The following PARD3B variants were observed in gnomAD, a reference collection of about 807,000 sequenced individuals.
PARD3B encodes par-3 family cell polarity regulator beta.
In PARD3B, 103 loss-of-function variants were observed where a neutral mutation model predicts 130.2. The ratio of observed to expected loss-of-function variants is 0.79; its 90% CI spans 0.67 to 0.93. The LOEUF (loss-of-function observed/expected upper bound fraction) is 0.93, where lower values mean the gene tolerates loss of function less well. Ranked by LOEUF, PARD3B falls within the 40% of genes least tolerant of loss-of-function variation. The pLI is 0.00. For missense variants in PARD3B, 1,609 were observed against 1,499.2 expected, an observed-to-expected ratio of 1.07 and a Z score of -1.21; for synonymous variants, 583 against 553.2, an observed-to-expected ratio of 1.05 and a Z score of -0.76.
chr2:205,054,436 A>ATATATATATAT (rs1411271901), intron 4 of PARD3B, among the ~76,000 whole-genome samples: 2 of 28,440 alleles, frequency 7.0e-5, no homozygotes, highest in African/African-American at 3.0e-4. Flanking sequence ...ATATATATAT[A>ATATATATATAT]TTTTTTTTTT....
chr2:204,667,557 C>G (rs1438563233), intron 1 of PARD3B, among the ~76,000 whole-genome samples: 2 of 152,096 alleles, frequency 1.3e-5, no homozygotes, highest in African/African-American at 2.4e-5. Flanking sequence ...AAATACTGAA[C>G]TTGACTCACA....
chr2:205,523,784 G>GTTCT (rs1321517102), intron 21 of PARD3B, among the ~76,000 whole-genome samples: 1 of 133,810 alleles, frequency 7.5e-6, no homozygotes, highest in Non-Finnish European at 1.6e-5. Context: ...CCATTGCTCA[G>GTTCT]TTCTTTATTT....
intron 2 of PARD3B, among the ~76,000 whole-genome samples, chr2:204,826,883 G>C (rs759125035): frequency 6.6e-6 from 1 of 152,078 alleles, no homozygotes; most frequent in Non-Finnish European, 1.5e-5. Context: ...AGCCAGTCAT[G>C]GTGGTATGTG....
chr2:204,641,385 C>G (rs2035071338), intron 1 of PARD3B, among the ~76,000 whole-genome samples: 1 of 151,576 alleles, frequency 6.6e-6, no homozygotes. Context: ...GGGCTAAGGG[C>G]TCCCGTGAAG....
intron 10 of PARD3B, among the ~76,000 whole-genome samples, chr2:205,157,760 G>T (rs2034268332): frequency 6.6e-6 from 1 of 152,184 alleles, no homozygotes; most frequent in African/African-American, 2.4e-5. Context: ...CTCATTGTCA[G>T]ATTTTTCAGT....
At chr2:205,586,630 A>G (rs1287798957) in intron 22 of PARD3B, among the ~76,000 whole-genome samples, 5 of 151,820 alleles carry the variant, frequency 3.3e-5, no homozygotes, top group African/African-American at 4.8e-5. Context: ...ATATATTTTT[A>G]TATACATATA....
At chr2:204,599,175 A>G (rs1028213064) in intron 1 of PARD3B, among the ~76,000 whole-genome samples, 12 of 151,958 alleles carry the variant, frequency 7.9e-5, no homozygotes, top group Admixed American at 6.6e-4. Context: ...TTAAAAGTCT[A>G]TCATTTCTTT....
intron 2 of PARD3B, among the ~76,000 whole-genome samples, chr2:204,888,624 G>A (rs151167591): frequency 1.1e-3 from 168 of 151,758 alleles, no homozygotes; most frequent in African/African-American, 3.6e-3. Context: ...CCAGCTACTC[G>A]GGAGGCTCAG....
chr2:204,776,393 G>A (rs1416125022), intron 2 of PARD3B, among the ~76,000 whole-genome samples: 2 of 152,068 alleles, frequency 1.3e-5, no homozygotes, highest in Non-Finnish European at 2.9e-5. Context: ...GGCCTCAGAG[G>A]TGAGGTAATA....
chr2:205,289,706 T>G (rs775752936), intron 16 of PARD3B, among the ~76,000 whole-genome samples: 3 of 152,128 alleles, frequency 2.0e-5, no homozygotes, highest in Non-Finnish European at 2.9e-5. Context: ...ATTAACCCAT[T>G]CATAAATTAG....
Position 204,545,687 on chromosome 2 carries a change from C to A in PARD3B, c.-313C>A. 1 of 248,108 alleles carries A rather than the reference C, an allele frequency of 4.0e-6. No homozygotes were observed. Among genetic ancestry groups the A allele is most frequent in the Non-Finnish European group, 7.6e-6 (1 of 131,030 alleles). The allele number at this position is 248,108 out of a possible 1,614,324, so 15.4% of individuals were successfully genotyped here. On this transcript the variant is annotated 5_prime_UTR_variant, in exon 1 of 23. Coordinates refer to ENST00000406610, the MANE Select transcript of PARD3B (RefSeq NM_001302769.2). ...TTCGCTTTGGTGGGCGCGGAGCAGC[C>A]GCCTGGGCCGGGCAGGAGTAGGAGC...
chr2:205,252,643 G>C (rs2125931754), intron 16 of PARD3B, among the ~76,000 whole-genome samples: 1 of 152,258 alleles, frequency 6.6e-6, no homozygotes, highest in African/African-American at 2.4e-5. Flanking sequence ...AAGCAGTTCA[G>C]TGTGGCAGCA....
rs1553534453 is a variant in PARD3B at position 204,820,081 on chromosome 2, T to TTTTTTTTC, written c.222+133806_222+133807insCTTTTTTT. ...ACATTAAACAATAGACTTTTTTTTT[T>TTTTTTTTC]TTTTTTTTTTTGAGACGGAGTGTCA... On this transcript the variant is annotated intron_variant, in intron 2 of 22. Transcript: ENST00000406610. Among the ~76,000 whole-genome samples, 303 of 144,762 alleles carry TTTTTTTTC rather than the reference T, an allele frequency of 2.1e-3. 13 individuals carry two copies. The highest frequency in any genetic ancestry group is 7.8e-3 in the African/African-American group (292 of 37,412). The allele number at this position is 144,762 out of a possible 152,430, so 95.0% of individuals were successfully genotyped here.
intron 2 of PARD3B, among the ~76,000 whole-genome samples, chr2:204,910,397 T>A (rs1441305122): frequency 6.6e-6 from 1 of 152,114 alleles, no homozygotes; most frequent in East Asian, 1.9e-4. Flanking sequence ...AAGCAGAAAG[T>A]TGAAAGGTAA....
chr2:205,603,256 T>G (rs1041400849), intron 22 of PARD3B, among the ~76,000 whole-genome samples: 1 of 152,176 alleles, frequency 6.6e-6, no homozygotes, highest in Non-Finnish European at 1.5e-5. Flanking sequence ...TGCTGAGGCA[T>G]GTCTTACTTC....
intron 2 of PARD3B, among the ~76,000 whole-genome samples, chr2:204,831,574 T>G (rs2043822777): frequency 2.0e-5 from 3 of 152,202 alleles, no homozygotes; most frequent in Middle Eastern, 3.2e-3. Context: ...GAACTGAGTT[T>G]GGTTACAGTT....
rs932960987 is a variant in PARD3B, at chr2:205,330,578, G to A, written c.2630+28877G>A. On this transcript the variant is annotated intron_variant, in intron 18 of 22. Transcript: ENST00000406610. ...TTCATTGGTTTATTTTCATTTGTTT[G>A]CTCAGAGGAAAGTTTCAGAAGGCAT... is the stretch of plus-strand genomic sequence containing the variant. Among the ~76,000 whole-genome samples, 3 of 152,296 alleles carry A rather than the reference G, an allele frequency of 2.0e-5. No individual in the cohort carries two copies. The South Asian group carries it at 6.2e-4, about 32-fold the overall frequency.
intron 15 of PARD3B, among the ~76,000 whole-genome samples, chr2:205,209,355 A>C (rs978303363): frequency 6.3e-4 from 95 of 151,800 alleles, no homozygotes; most frequent in Non-Finnish European, 1.1e-3. Context: ...GCAACAAAAG[A>C]CAAAATTGAC....
chr2:204,612,301 G>GA (rs2033957686), intron 1 of PARD3B, among the ~76,000 whole-genome samples: 3 of 152,188 alleles, frequency 2.0e-5, no homozygotes, highest in Admixed American at 6.6e-5. Flanking sequence ...AGTTTGGCCT[G>GA]ATTTTTAAGC....
Sources: allele counts gnomAD v4.1 joint callset (sites outside exome capture counted in the v4.1 genomes callset), GRCh38; gene constraint gnomAD v4.1.1; transcripts MANE v1.5; gene names NCBI Gene and HGNC (gene_info 2026-07-23, HGNC 2026-07-21).